The following PRKN variants were observed in gnomAD, a reference collection of about 807,000 sequenced individuals.
PRKN encodes the protein E3 ubiquitin-protein ligase parkin.
A neutral mutation model predicts 59.5 loss-of-function variants in PRKN; 56 were observed. The observed-to-expected ratio is 0.94, with a 90% confidence interval of 0.76 to 1.18. The LOEUF (loss-of-function observed/expected upper bound fraction) is 1.18. PRKN is among the 50% of genes most tolerant of loss of function. The pLI is 0.00. For missense variants in PRKN, 657 were observed against 596.4 expected, an observed-to-expected ratio of 1.10 and a Z score of -1.06; for synonymous variants, 250 against 222.1, an observed-to-expected ratio of 1.13 and a Z score of -1.12.
intron 5 of PRKN, among the ~76,000 whole-genome samples, chr6:162,039,263 C>G (rs184109438): frequency 6.6e-6 from 1 of 152,124 alleles, no homozygotes; most frequent in African/African-American, 2.4e-5. Context: ...AACTCTCTTT[C>G]AAGATCACAT....
chr6:162,196,280 T>TTACCAGCCC (rs1784494618), intron 4 of PRKN, among the ~76,000 whole-genome samples: 1 of 152,164 alleles, frequency 6.6e-6, no homozygotes, highest in Non-Finnish European at 1.5e-5. Flanking sequence ...CCAGTCAAAA[T>TTACCAGCCC]AATTAAAAAT....
chr6:162,495,649 C>A (rs1793032485), intron 1 of PRKN, among the ~76,000 whole-genome samples: 1 of 152,198 alleles, frequency 6.6e-6, no homozygotes, highest in South Asian at 2.1e-4. Flanking sequence ...GAGCCATGAG[C>A]CCTTGCAGAT....
chr6:162,489,366 T>G (rs1792701444), intron 1 of PRKN, among the ~76,000 whole-genome samples: 1 of 152,154 alleles, frequency 6.6e-6, no homozygotes, highest in Non-Finnish European at 1.5e-5. Flanking sequence ...ATCTTCTAAG[T>G]GCACAAAGTA....
At chr6:161,905,928 T>TAAA (rs750946937) in intron 6 of PRKN, among the ~76,000 whole-genome samples, 1 of 104,998 alleles carries the variant, frequency 9.5e-6, no homozygotes, top group African/African-American at 3.7e-5. Context: ...CCACTGCATC[T>TAAA]AAAAAAAAAA....
Position 161,829,258 on chromosome 6 carries a change from A to T in PRKN, c.735-43350T>A, listed in dbSNP as rs370790315. 9.9e-5 allele frequency among the ~76,000 whole-genome samples: 15 copies of T among 152,256 alleles called. No individual in the cohort carries two copies. The East Asian group carries it at 2.9e-3, about 29-fold the overall frequency. ...CAAAAACGAAAACAAAAACAAAAAA[A>T]ACAATAACAGCAGCATAGTAAGAAG... On this transcript the variant is annotated intron_variant, in intron 6 of 11. Coordinates refer to ENST00000366898, the MANE Select transcript of PRKN (RefSeq NM_004562.3).
chr6:162,223,661 A>AC (rs11452001), intron 3 of PRKN, among the ~76,000 whole-genome samples: 3,746 of 60,748 alleles, frequency 0.062, 114 homozygotes, highest in South Asian at 0.18. Context: ...ACACACACAC[A>AC]AACATAATGC....
intron 5 of PRKN, among the ~76,000 whole-genome samples, chr6:162,017,843 A>G (rs2128273735): frequency 6.6e-6 from 1 of 152,236 alleles, no homozygotes; most frequent in South Asian, 2.1e-4. Context: ...GATTTCTATA[A>G]GACAAGCTGC....
At chr6:161,798,235 C>CA (rs902153629) in intron 6 of PRKN, among the ~76,000 whole-genome samples, 24 of 151,854 alleles carry the variant, frequency 1.6e-4, no homozygotes, top group Admixed American at 3.9e-4. Flanking sequence ...ACCAAACAAA[C>CA]AAAAAAAATG....
At chr6:162,023,991 C>T (rs1340603866) in intron 5 of PRKN, among the ~76,000 whole-genome samples, 3 of 151,864 alleles carry the variant, frequency 2.0e-5, no homozygotes, top group Admixed American at 1.3e-4. Context: ...TTTTTTGGTT[C>T]CATATCAATT....
intron 3 of PRKN, among the ~76,000 whole-genome samples, chr6:162,203,888 T>C (rs1784833704): frequency 6.6e-6 from 1 of 152,210 alleles, no homozygotes; most frequent in African/African-American, 2.4e-5. Context: ...TTTTGTATAG[T>C]AAGTTTTGAA....
At chr6:161,992,712 T>A (rs987761140) in intron 5 of PRKN, among the ~76,000 whole-genome samples, 5 of 152,154 alleles carry the variant, frequency 3.3e-5, no homozygotes, top group African/African-American at 1.2e-4. Flanking sequence ...ATAAAAGAAG[T>A]CTCAAGAAAT....
At chr6:162,568,997 AGAG>A (rs1280619067) in intron 1 of PRKN, 1 of 688,490 alleles carries the variant, frequency 1.5e-6, no homozygotes, top group Non-Finnish European at 2.6e-6. Context: ...AGCTGTATGA[AGAG>A]GAGACCTTGG....
At chr6:162,336,970 T>G (rs937379528) in intron 2 of PRKN, among the ~76,000 whole-genome samples, 1 of 152,208 alleles carries the variant, frequency 6.6e-6, no homozygotes, top group Non-Finnish European at 1.5e-5. Flanking sequence ...GGCTGTCCAG[T>G]TGAGACTGCT....
At chr6:162,304,249 TA>T (rs1455552113) in intron 2 of PRKN, among the ~76,000 whole-genome samples, 1 of 150,800 alleles carries the variant, frequency 6.6e-6, no homozygotes, top group Non-Finnish European at 1.5e-5. Context: ...CTCGTCTAAA[TA>T]GTCAGTTTTC....
chr6:161,488,947 C>T lies in PRKN; in HGVS notation c.1083+59907G>A, dbSNP rs539891002. Among the ~76,000 whole-genome samples, 7 of 152,168 alleles carry T rather than the reference C, an allele frequency of 4.6e-5. No individual in the cohort carries two copies. In the South Asian group the frequency reaches 1.2e-3, roughly 27 times the overall value. On this transcript the variant is annotated intron_variant, in intron 9 of 11. Coordinates refer to ENST00000366898, the MANE Select transcript of PRKN (RefSeq NM_004562.3). This position sits in a 1 kb window ranked among gnomAD's most constrained non-coding sequence, Gnocchi z 4.5. The stretch of plus-strand genomic sequence containing the variant: ...CAGACCCTTGGAGATGAAGAGGTCA[C>T]GATTTACCATTGGCTGATAACCTAC...
chr6:162,280,370 A>C (rs557974369), intron 2 of PRKN, among the ~76,000 whole-genome samples: 3 of 152,308 alleles, frequency 2.0e-5, no homozygotes, highest in South Asian at 2.1e-4. Flanking sequence ...TCACTGGGAC[A>C]CAGCTAAGGT....
chr6:161,395,914 TTTAAA>T lies in PRKN; in HGVS notation c.1084-9042_1084-9038del. ...TTGTAATGAATTTAAGCTCAGCGGC[TTTAAA>T]CACAGACAGCCAACAAATTAGAGGT... On this transcript the variant is annotated intron_variant, in intron 9 of 11. Transcript: ENST00000366898. This position sits in a 1 kb window ranked among gnomAD's most constrained non-coding sequence, Gnocchi z 5.0. 3.3e-5 allele frequency among the ~76,000 whole-genome samples: 5 copies of T among 152,188 alleles called. No individual in the cohort carries two copies. The highest frequency in any genetic ancestry group is 7.4e-5 in the Non-Finnish European group (5 of 68,018).
At chr6:161,494,492 A>G (rs1011655895) in intron 9 of PRKN, among the ~76,000 whole-genome samples, 4 of 152,230 alleles carry the variant, frequency 2.6e-5, no homozygotes, top group African/African-American at 9.6e-5. Context: ...AACTATTTCT[A>G]TGAAGTTTAA....
At chr6:161,411,543 C>T (rs1201403780) in intron 9 of PRKN, among the ~76,000 whole-genome samples, 4 of 152,126 alleles carry the variant, frequency 2.6e-5, no homozygotes, top group Admixed American at 1.3e-4. Context: ...GGGGCCATGG[C>T]GACAGGGATG....
Sources: gnomAD v4.1 joint callset for allele counts (sites outside exome capture counted in the v4.1 genomes callset) on GRCh38, gnomAD v4.1.1 for gene constraint, Gnocchi (gnomAD v3.1) non-coding constraint, MANE v1.5 for transcripts, NCBI Gene and HGNC (gene_info 2026-07-23, HGNC 2026-07-21) for gene names.